DYNLRB1: variants seen among roughly 807,000 people sequenced by gnomAD.
The protein encoded by DYNLRB1 is dynein light chain roadblock-type 1.
Under a neutral mutation model 13.5 loss-of-function variants are expected in DYNLRB1, and 6 were observed. The observed-to-expected ratio is 0.44, with a 90% CI of 0.24 to 0.88. The LOEUF is 0.88. DYNLRB1 is among the 40% of genes least tolerant of loss of function. The probability of loss-of-function intolerance (pLI) is 0.21; values close to 1 mark genes in which losing one functional copy is unlikely to be tolerated. For synonymous variants in DYNLRB1, 43 were observed against 45.0 expected (o/e 0.96, Z 0.18); for missense variants, 93 against 127.2 (o/e 0.73, Z 1.29).
upstream of DYNLRB1, chr20:34,516,336 G>A: frequency 7.0e-7 from 1 of 1,428,904 alleles, no homozygotes. Flanking sequence ...GCCCGCCCCC[G>A]CCTCACGCTG....
intron 3 of DYNLRB1, 111 bp from the exon 4 acceptor site, chr20:34,540,470 T>C: frequency 9.7e-7 from 1 of 1,025,964 alleles, no homozygotes; most frequent in South Asian, 1.5e-5. Context: ...TTTTTGTTGC[T>C]TTCTCCCCTT....
In DYNLRB1 at chr20:34,528,108, C is replaced by A. The variant is rs1354881824; in HGVS notation, c.79+1765C>A. Among the ~76,000 whole-genome samples the A allele has an allele frequency of 1.1e-4, 5 of 45,008 alleles. 2 individuals are homozygous for A. The highest frequency in any genetic ancestry group is 4.4e-4 in the African/African-American group (5 of 11,424). 29.5% of individuals were successfully genotyped at this position (45,008 alleles called of 152,430 possible). A position where few individuals can be genotyped will look rare whatever the true frequency, so the allele number is the denominator to read the frequency against. ...CGGGCGGATCACGAGGTCAGGAGATCGAGACCATCCCGGCTAAAACGGTGA... is the reference window on the plus strand; with the variant it reads ...CGGGCGGATCACGAGGTCAGGAGATAGAGACCATCCCGGCTAAAACGGTGA... On this transcript the variant is annotated intron_variant, in intron 2 of 3. Transcript: ENST00000357156.
intron 3 of DYNLRB1, among the ~76,000 whole-genome samples, chr20:34,538,610 G>A (rs1981353320): frequency 6.6e-6 from 1 of 152,144 alleles, no homozygotes; most frequent in Admixed American, 6.5e-5. Flanking sequence ...AGACACTGAT[G>A]TTACCGATTG....
chr20:34,530,945 T>G (rs1980671660), intron 2 of DYNLRB1: 1 of 152,252 alleles, frequency 6.6e-6, no homozygotes, highest in Non-Finnish European at 1.5e-5. Context: ...CACTGCCTTT[T>G]GACATCTCTG....
chr20:34,524,967 C>T (rs941331026), intron 1 of DYNLRB1, among the ~76,000 whole-genome samples: 4 of 152,150 alleles, frequency 2.6e-5, no homozygotes, highest in African/African-American at 4.8e-5. Flanking sequence ...CCTCATGATC[C>T]GCCCATCTCG....
intron 3 of DYNLRB1, chr20:34,536,413 C>T: frequency 3.0e-6 from 3 of 985,324 alleles, no homozygotes; most frequent in South Asian, 9.4e-5. Context: ...CCCAGGTTGT[C>T]ATGTTGTGTG....
intron 3 of DYNLRB1, among the ~76,000 whole-genome samples, chr20:34,535,513 C>T (rs542534044): frequency 5.3e-5 from 8 of 152,240 alleles, no homozygotes; most frequent in Admixed American, 2.6e-4. Flanking sequence ...AGCACAGGAG[C>T]GAGCAACAGA....
chr20:34,537,985 C>CTT lies in DYNLRB1; in HGVS notation c.248-2577_248-2576dup, dbSNP rs67763754. On this transcript the variant is annotated intron_variant, in intron 3 of 3. Coordinates refer to ENST00000357156, the MANE Select transcript of DYNLRB1 (RefSeq NM_014183.4). ...GCCCAGAACCGCCCACGTGAACAGGCTTTTTTTTTTTTTTTTTTTTGAGAC... is the reference window on the plus strand; with the variant it reads ...GCCCAGAACCGCCCACGTGAACAGGCTTTTTTTTTTTTTTTTTTTTTTGAGAC... Among the ~76,000 whole-genome samples, 387 of 94,834 alleles carry CTT rather than the reference C, an allele frequency of 4.1e-3. 6 individuals are homozygous for CTT. The highest frequency in any genetic ancestry group is 0.015 in the African/African-American group (359 of 23,280). 62.2% of individuals were successfully genotyped at this position (94,834 alleles called of 152,430 possible).
chr20:34,518,824 A>C (rs908942134), intron 1 of DYNLRB1, among the ~76,000 whole-genome samples: 2 of 152,136 alleles, frequency 1.3e-5, no homozygotes, highest in African/African-American at 4.8e-5. Context: ...GTAGCTTTCT[A>C]GAACCTGTAT....
intron 1 of DYNLRB1, 76 bp from the exon 2 acceptor site, chr20:34,526,192 G>A: frequency 1.3e-6 from 2 of 1,503,616 alleles, no homozygotes; most frequent in Non-Finnish European, 1.8e-6. Context: ...ACAAACGTAT[G>A]ATTCATCTGC....
intron 1 of DYNLRB1, among the ~76,000 whole-genome samples, chr20:34,520,195 A>G (rs1257700933): frequency 2.0e-5 from 3 of 152,244 alleles, no homozygotes; most frequent in African/African-American, 7.2e-5. Context: ...ACTGTGCCAC[A>G]TAACTATTTT....
chr20:34,526,125 C>A, intron 1 of DYNLRB1, 143 bp from the exon 2 acceptor site: 1 of 830,482 alleles, frequency 1.2e-6, no homozygotes, highest in South Asian at 1.6e-5. Flanking sequence ...TCAGATCAGC[C>A]TGGGGAACTT....
At chr20:34,524,844 C>T (rs529801041) in intron 1 of DYNLRB1, among the ~76,000 whole-genome samples, 1 of 152,152 alleles carries the variant, frequency 6.6e-6, no homozygotes, top group South Asian at 2.1e-4. Flanking sequence ...CTGCCTCAGC[C>T]TCCCCAGTAG....
chr20:34,523,101 G>A (rs997619546), intron 1 of DYNLRB1, among the ~76,000 whole-genome samples: 2 of 152,230 alleles, frequency 1.3e-5, no homozygotes, highest in Non-Finnish European at 2.9e-5. Flanking sequence ...TGGGGGCCTC[G>A]GTGCCCAGTA....
intron 2 of DYNLRB1, among the ~76,000 whole-genome samples, chr20:34,527,818 C>T (rs540849441): frequency 6.6e-6 from 1 of 152,236 alleles, no homozygotes; most frequent in East Asian, 1.9e-4. Context: ...GAAGGCCTTC[C>T]CTTGGAGAGA....
At chr20:34,529,761 C>T in intron 2 of DYNLRB1, 1 of 1,150,326 alleles carries the variant, frequency 8.7e-7, no homozygotes, top group South Asian at 3.6e-5. Flanking sequence ...ATTTCCAAGT[C>T]AGCAGAGCCC....
At chr20:34,525,897 C>CT (rs1207153502) in intron 1 of DYNLRB1, among the ~76,000 whole-genome samples, 1 of 152,224 alleles carries the variant, frequency 6.6e-6, no homozygotes, top group African/African-American at 2.4e-5. Flanking sequence ...ATACTACTCT[C>CT]TGAGTTTTCT....
chr20:34,531,970 A>T (rs995022406), intron 2 of DYNLRB1, among the ~76,000 whole-genome samples: 2 of 152,234 alleles, frequency 1.3e-5, no homozygotes, highest in Non-Finnish European at 2.9e-5. Flanking sequence ...TGATCACCCA[A>T]ACCATGCCAA....
intron 1 of DYNLRB1, among the ~76,000 whole-genome samples, chr20:34,522,336 A>C (rs544522799): frequency 6.6e-5 from 10 of 152,278 alleles, no homozygotes; most frequent in African/African-American, 2.4e-4. Context: ...AGAAGAGAGC[A>C]TGTGTCTGAA....
Sources: gnomAD v4.1 joint callset for allele counts (sites outside exome capture counted in the v4.1 genomes callset) on GRCh38, gnomAD v4.1.1 for gene constraint, MANE v1.5 for transcripts, NCBI Gene and HGNC (gene_info 2026-07-23, HGNC 2026-07-21) for gene names.